FRMD4A: variants seen among roughly 807,000 people sequenced by gnomAD.
FRMD4A encodes the protein FERM domain containing 4A.
A neutral mutation model predicts 129.1 loss-of-function variants in FRMD4A; 29 were observed. That is an observed-to-expected ratio of 0.22 (90% CI 0.17 to 0.31). FRMD4A has a LOEUF of 0.31. FRMD4A is among the 10% of genes least tolerant of loss of function. The probability of loss-of-function intolerance (pLI) is 1.00; values close to 1 mark genes in which losing one functional copy is unlikely to be tolerated. For synonymous variants in FRMD4A, 634 were observed against 571.6 expected, an observed-to-expected ratio of 1.11 and a Z score of -1.56; for missense variants, 1,272 against 1,375.8, an observed-to-expected ratio of 0.92 and a Z score of 1.19.
intron 2 of FRMD4A, among the ~76,000 whole-genome samples, chr10:14,147,275 G>C (rs1444219045): frequency 6.6e-6 from 1 of 152,172 alleles, no homozygotes; most frequent in Non-Finnish European, 1.5e-5. Flanking sequence ...ATATTCCTAA[G>C]AGTGGGAGAG....
intron 2 of FRMD4A, among the ~76,000 whole-genome samples, chr10:13,971,108 G>GTGCACACA (rs1416905364): frequency 6.6e-6 from 1 of 151,948 alleles, no homozygotes; most frequent in East Asian, 1.9e-4. Context: ...ACACACACAC[G>GTGCACACA]TGCACACATG....
intron 2 of FRMD4A, among the ~76,000 whole-genome samples, chr10:14,067,662 C>A (rs1835126834): frequency 6.6e-6 from 1 of 151,934 alleles, no homozygotes. Flanking sequence ...ACTAAAAATA[C>A]AAAACTTAGC....
chr10:14,185,797 C>T (rs1199650437), intron 2 of FRMD4A, among the ~76,000 whole-genome samples: 5 of 152,128 alleles, frequency 3.3e-5, no homozygotes, highest in South Asian at 4.1e-4. Context: ...CCAGACTAGT[C>T]CTGGGCGGAA....
chr10:13,912,430 C>T (rs141268711), intron 2 of FRMD4A, among the ~76,000 whole-genome samples: 15 of 151,766 alleles, frequency 9.9e-5, no homozygotes, highest in African/African-American at 3.6e-4. Context: ...TTCATAGTGA[C>T]ATTACACATA....
At chr10:13,836,294 G>T (rs1330230473) in intron 3 of FRMD4A, among the ~76,000 whole-genome samples, 4 of 152,146 alleles carry the variant, frequency 2.6e-5, no homozygotes, top group Admixed American at 6.5e-5. Context: ...CAAAGCACCG[G>T]GCCAGGATTT....
At chr10:14,268,801 T>C (rs770591779) in intron 2 of FRMD4A, among the ~76,000 whole-genome samples, 1 of 151,420 alleles carries the variant, frequency 6.6e-6, no homozygotes, top group Non-Finnish European at 1.5e-5. Context: ...AAGTCAGCAT[T>C]TCTGCTATGT....
intron 2 of FRMD4A, among the ~76,000 whole-genome samples, chr10:14,135,879 G>C (rs752961): frequency 0.26 from 39,728 of 152,026 alleles, 6,242 homozygotes; most frequent in East Asian, 0.51. Flanking sequence ...AATTATTCCT[G>C]GTATTAGGAG....
intron 24 of FRMD4A, 139 bp downstream of exon 24, chr10:13,651,764 C>T: frequency 1.6e-6 from 1 of 609,178 alleles, no homozygotes. Context: ...AAACATAGTT[C>T]CAGTTCCCCA....
chr10:14,283,353 C>G (rs1018516576), intron 2 of FRMD4A, among the ~76,000 whole-genome samples: 3 of 152,146 alleles, frequency 2.0e-5, no homozygotes, highest in Non-Finnish European at 2.9e-5. Flanking sequence ...AGTTGAAAAG[C>G]TGATCACTGA....
rs1053610165 is a variant in FRMD4A at position 14,230,209 on chromosome 10, C to T, written c.45+99849G>A. Reference sequence around the variant, plus strand: ...CATTTCCCAAATCAGAAATGTGGGGCCCTCTCCCCCCTAGCATCTTGGGAC... The same window carrying T: ...CATTTCCCAAATCAGAAATGTGGGGTCCTCTCCCCCCTAGCATCTTGGGAC... On this transcript the variant is annotated intron_variant, in intron 2 of 24. Transcript: ENST00000357447. Among the ~76,000 whole-genome samples the T allele has an allele frequency of 2.0e-5, 3 of 152,244 alleles. No homozygotes were observed. The East Asian group carries it at 5.8e-4, about 29-fold the overall frequency.
Position 13,659,257 on chromosome 10 carries a change from G to A in FRMD4A, c.2066+66C>T, listed in dbSNP as rs1589240343. The A allele has an allele frequency of 2.2e-6, 3 of 1,381,114 alleles. No homozygotes were observed. In the East Asian group the frequency reaches 6.9e-5, roughly 32 times the overall value. 85.6% of individuals were successfully genotyped at this position (1,381,114 alleles called of 1,614,324 possible). ...GCTCATCCATTATTTGGGCCAGCTTGGGGCTGACAATGCCCAATTTTAAAA... is the reference window on the plus strand; with the variant it reads ...GCTCATCCATTATTTGGGCCAGCTTAGGGCTGACAATGCCCAATTTTAAAA... On this transcript the variant is annotated intron_variant, in intron 21 of 24. Coordinates refer to ENST00000357447, the MANE Select transcript of FRMD4A (RefSeq NM_018027.5).
intron 2 of FRMD4A, among the ~76,000 whole-genome samples, chr10:14,027,878 T>G (rs935687041): frequency 1.3e-5 from 2 of 152,238 alleles, no homozygotes; most frequent in African/African-American, 4.8e-5. Context: ...AATTAGTGTA[T>G]GCGGATGTCA....
chr10:13,959,852 G>A (rs771801217), intron 2 of FRMD4A, among the ~76,000 whole-genome samples: 4 of 152,228 alleles, frequency 2.6e-5, no homozygotes, highest in African/African-American at 7.2e-5. Flanking sequence ...ACTTCCCCTC[G>A]CTCTGAAAAT....
rs117470066 is a variant in FRMD4A, at chr10:14,006,398, T to G, written c.46-147486A>C. On this transcript the variant is annotated intron_variant, in intron 2 of 24. Transcript: ENST00000357447. ...AACATACCCAATAACAGACATGTTTTGTGTATGATACTATATTCCCATATT... is the reference window on the plus strand; with the variant it reads ...AACATACCCAATAACAGACATGTTTGGTGTATGATACTATATTCCCATATT... Among the ~76,000 whole-genome samples the G allele has an allele frequency of 1.3e-4, 20 of 152,378 alleles. No individual in the cohort carries two copies. The East Asian group carries it at 3.9e-3, about 29-fold the overall frequency.
At chr10:13,852,535 T>G (rs770723035) in intron 3 of FRMD4A, among the ~76,000 whole-genome samples, 1 of 152,208 alleles carries the variant, frequency 6.6e-6, no homozygotes, top group Non-Finnish European at 1.5e-5. Flanking sequence ...AGATTTTAAT[T>G]TTTTTAGCCA....
At chr10:13,843,327 A>G (rs1328049707) in intron 3 of FRMD4A, among the ~76,000 whole-genome samples, 1 of 152,170 alleles carries the variant, frequency 6.6e-6, no homozygotes, top group Non-Finnish European at 1.5e-5. Flanking sequence ...GCTGATTTCA[A>G]TCAGTCACCT....
At chr10:14,319,725 T>G (rs1455823035) in intron 2 of FRMD4A, among the ~76,000 whole-genome samples, 1 of 152,130 alleles carries the variant, frequency 6.6e-6, no homozygotes, top group Admixed American at 6.5e-5. Context: ...TTTCTGAGCT[T>G]CAGTGCCACT....
At chr10:13,942,440 G>A (rs2095299609) in intron 2 of FRMD4A, among the ~76,000 whole-genome samples, 1 of 152,078 alleles carries the variant, frequency 6.6e-6, no homozygotes, top group Non-Finnish European at 1.5e-5. Context: ...TGAGCTACGG[G>A]CCCTCAAGGC....
In FRMD4A at chr10:13,707,116, G is replaced by A. The variant is rs367701595; in HGVS notation, c.760-3C>T. ...TCCAACTGTCTCCATTGGAATATCT[G>A]GACAGAAAACAGTGTAGTTTAAAAC... On this transcript the variant is annotated splice_region_variant and splice_polypyrimidine_tract_variant and intron_variant, in intron 12 of 24. Coordinates refer to ENST00000357447, the MANE Select transcript of FRMD4A (RefSeq NM_018027.5). 7.4e-5 allele frequency: 113 copies of A among 1,531,936 alleles called. No individual in the cohort carries two copies. Among genetic ancestry groups the A allele is most frequent in the Non-Finnish European group, 1.0e-4 (110 of 1,105,230 alleles). 94.9% of individuals were successfully genotyped at this position (1,531,936 alleles called of 1,614,324 possible).
Sources: gnomAD v4.1 joint callset for allele counts (sites outside exome capture counted in the v4.1 genomes callset) on GRCh38, gnomAD v4.1.1 for gene constraint, MANE v1.5 for transcripts, NCBI Gene and HGNC (gene_info 2026-07-23, HGNC 2026-07-21) for gene names.